The following NUDT9 variants were observed in gnomAD, a reference collection of about 807,000 sequenced individuals.
The protein encoded by NUDT9 is ADP-ribose pyrophosphatase.
A neutral mutation model predicts 41.0 loss-of-function variants in NUDT9; 31 were observed. That is an observed-to-expected ratio of 0.76 (90% CI 0.57 to 1.02). The LOEUF is 1.02. Ranked by LOEUF, NUDT9 falls within the 50% of genes least tolerant of loss-of-function variation. The pLI is 0.00. For missense variants in NUDT9, 380 were observed against 431.4 expected, an observed-to-expected ratio of 0.88 and a Z score of 1.06; for synonymous variants, 146 against 147.6, an observed-to-expected ratio of 0.99 and a Z score of 0.08.
intron 1 of NUDT9, among the ~76,000 whole-genome samples, chr4:87,429,877 G>T (rs187671504): frequency 6.6e-6 from 1 of 151,766 alleles, no homozygotes; most frequent in African/African-American, 2.4e-5. Flanking sequence ...TGATTATATG[G>T]CTCCTTCTAT....
Position 87,441,812 on chromosome 4 carries a change from T to C in NUDT9, c.444-17T>C. 1.3e-6 allele frequency: 2 copies of C among 1,599,168 alleles called. No homozygotes were observed. Among genetic ancestry groups the C allele is most frequent in the Non-Finnish European group, 1.7e-6 (2 of 1,168,842 alleles). ...TGAACACATTCAATTGATTTTATGC[T>C]TTTTTTGTTTTTCCAGAAATCCTGC... On this transcript the variant is annotated splice_polypyrimidine_tract_variant and intron_variant, in intron 3 of 7. Transcript: ENST00000302174.
chr4:87,423,470 T>C (rs1721246104), intron 1 of NUDT9, among the ~76,000 whole-genome samples: 1 of 152,124 alleles, frequency 6.6e-6, no homozygotes, highest in Admixed American at 6.5e-5. Context: ...TTTTAATAAT[T>C]TGTCTATTGT....
At chr4:87,424,887 G>C (rs955762023) in intron 1 of NUDT9, among the ~76,000 whole-genome samples, 5 of 152,172 alleles carry the variant, frequency 3.3e-5, no homozygotes, top group African/African-American at 1.2e-4. Context: ...TCCAGAACCA[G>C]AGACTGTACT....
chr4:87,426,596 G>A (rs1163512789), intron 1 of NUDT9, among the ~76,000 whole-genome samples: 1 of 151,876 alleles, frequency 6.6e-6, no homozygotes. Flanking sequence ...ATTTTTAGTA[G>A]AGACGGGGTT....
chr4:87,458,443 A>T lies in NUDT9; in HGVS notation c.*422A>T, dbSNP rs1345063654. On this transcript the variant is annotated 3_prime_UTR_variant, in exon 8 of 8. Transcript: ENST00000302174. ...TGTTCCTGCCACATCAAACTCCTTT[A>T]GGCAGAGTACCGCCACTGGATGTAT... 1 of 153,978 alleles carries T rather than the reference A, an allele frequency of 6.5e-6. No homozygotes were observed. Among genetic ancestry groups the T allele is most frequent in the Non-Finnish European group, 1.4e-5 (1 of 69,298 alleles). 9.5% of individuals were successfully genotyped at this position (153,978 alleles called of 1,614,324 possible).
intron 6 of NUDT9, among the ~76,000 whole-genome samples, chr4:87,452,631 G>T (rs1722800468): frequency 6.7e-6 from 1 of 150,296 alleles, no homozygotes; most frequent in Admixed American, 6.6e-5. Flanking sequence ...TTTGTTTTTT[G>T]TTTTATAGAG....
chr4:87,437,131 T>G (rs1461896656), intron 2 of NUDT9, among the ~76,000 whole-genome samples: 1 of 150,938 alleles, frequency 6.6e-6, no homozygotes, highest in Non-Finnish European at 1.5e-5. Flanking sequence ...GTTCCTGTAG[T>G]CCCAGCTACT....
rs2110176368 is a variant in NUDT9, at chr4:87,441,872, G to C, written c.487G>C (p.Gly163Arg). ...RTGLVGRGLL[G>R]RWGPNHAADP... ...TGGACTGGTGGGCCGGGGGCTTTTG[G>C]GGCGATGGGGCCCAAATCACGCTGC... The change falls in exon 4 of 8, where the codon GGG (glycine) becomes CGG (arginine). Residue 163 changes from glycine (G) to arginine (R), a missense_variant. Coordinates refer to ENST00000302174, the MANE Select transcript of NUDT9 (RefSeq NM_024047.5). 1 of 1,613,498 alleles carries C rather than the reference G, an allele frequency of 6.2e-7. No homozygotes were observed. The highest frequency in any genetic ancestry group is 8.5e-7 in the Non-Finnish European group (1 of 1,179,838).
intron 1 of NUDT9, among the ~76,000 whole-genome samples, chr4:87,426,596 G>C (rs1163512789): frequency 6.6e-6 from 1 of 151,876 alleles, no homozygotes; most frequent in Non-Finnish European, 1.5e-5. Context: ...ATTTTTAGTA[G>C]AGACGGGGTT....
intron 4 of NUDT9, among the ~76,000 whole-genome samples, chr4:87,447,476 G>GTTTTTTTTTTTTTTTTT (rs11310721): frequency 7.0e-6 from 1 of 143,164 alleles, no homozygotes. Context: ...AGCATTGGAA[G>GTTTTTTTTTTTTTTTTT]TTTTTTTTTT....
At position 87,424,679 on chromosome 4, in the gene NUDT9, TCTC is replaced by T. The variant is rs1442555234; in HGVS notation, c.107+1670_107+1672del. ...TCATTCACTGGTGGCATTTATTCCT[TCTC>T]CTGGTACGGATTTTATTTCCCTTTA... On this transcript the variant is annotated intron_variant, in intron 1 of 7. Coordinates refer to ENST00000302174, the MANE Select transcript of NUDT9 (RefSeq NM_024047.5). Among the ~76,000 whole-genome samples, 4 of 152,330 alleles carry T rather than the reference TCTC, an allele frequency of 2.6e-5. No homozygotes were observed. In the East Asian group the frequency reaches 5.8e-4, roughly 22 times the overall value.
At chr4:87,453,930 C>T (rs1722871988) in intron 6 of NUDT9, among the ~76,000 whole-genome samples, 1 of 148,650 alleles carries the variant, frequency 6.7e-6, no homozygotes, top group Non-Finnish European at 1.5e-5. Flanking sequence ...GCGATCTTGG[C>T]TCACTGCTAC....
At chr4:87,429,246 G>A (rs1721571598) in intron 1 of NUDT9, among the ~76,000 whole-genome samples, 1 of 151,962 alleles carries the variant, frequency 6.6e-6, no homozygotes. Flanking sequence ...TGACCTCCTG[G>A]ACTCAGGAGA....
Position 87,424,228 on chromosome 4 carries a change from G to GTAGGAA in NUDT9, c.107+1220_107+1225dup, listed in dbSNP as rs1721293823. ...TGAAACCTCTAGCTCGGCTCAGCTTGTAGGAATAGCATTTCTCCCTAATGC... is the reference window on the plus strand; with the variant it reads ...TGAAACCTCTAGCTCGGCTCAGCTTGTAGGAATAGGAATAGCATTTCTCCCTAATGC... On this transcript the variant is annotated intron_variant, in intron 1 of 7. Coordinates refer to ENST00000302174, the MANE Select transcript of NUDT9 (RefSeq NM_024047.5). 3.4e-5 allele frequency among the ~76,000 whole-genome samples: 5 copies of GTAGGAA among 144,950 alleles called. No individual in the cohort carries two copies. In the South Asian group the frequency reaches 1.1e-3, roughly 32 times the overall value.
At chr4:87,443,033 C>T (rs540015462) in intron 4 of NUDT9, among the ~76,000 whole-genome samples, 1 of 152,194 alleles carries the variant, frequency 6.6e-6, no homozygotes, top group African/African-American at 2.4e-5. Flanking sequence ...GTATTATATA[C>T]TGTATGTGAT....
rs765578468 is a variant in NUDT9 at position 87,446,831 on chromosome 4, T to C, written c.531-2311T>C. The stretch of plus-strand genomic sequence containing the variant: ...ATATATATAATAAATGCTATCTAAA[T>C]GGCTTTTAGAAAATAAAAATAAAAT... On this transcript the variant is annotated intron_variant, in intron 4 of 7. Transcript: ENST00000302174. Among the ~76,000 whole-genome samples, 429 of 152,318 alleles carry C rather than the reference T, an allele frequency of 2.8e-3. 4 individuals carry two copies. The highest frequency in any genetic ancestry group is 4.0e-3 in the Non-Finnish European group (271 of 68,022).
At chr4:87,441,607 C>T (rs1023286871) in intron 3 of NUDT9, among the ~76,000 whole-genome samples, 100 of 152,104 alleles carry the variant, frequency 6.6e-4, no homozygotes, top group African/African-American at 2.3e-3. Flanking sequence ...GTATGAGAGC[C>T]TCTTTCTGGA....
At chr4:87,455,073 T>C (rs1722927076) in intron 7 of NUDT9, among the ~76,000 whole-genome samples, 1 of 152,242 alleles carries the variant, frequency 6.6e-6, no homozygotes, top group South Asian at 2.1e-4. Flanking sequence ...ATTTTATTGC[T>C]AAATTTGATT....
At chr4:87,428,489 A>G (rs1388324309) in intron 1 of NUDT9, among the ~76,000 whole-genome samples, 2 of 152,120 alleles carry the variant, frequency 1.3e-5, no homozygotes, top group Non-Finnish European at 2.9e-5. Flanking sequence ...GATGTTCTTC[A>G]GTAGGTAAAT....
Sources: allele counts gnomAD v4.1 joint callset (sites outside exome capture counted in the v4.1 genomes callset), GRCh38; gene constraint gnomAD v4.1.1; transcripts MANE v1.5; gene names NCBI Gene and HGNC (gene_info 2026-07-23, HGNC 2026-07-21).